Variants in INPP5D observed in about 807,000 individuals in gnomAD.
INPP5D encodes the protein inositol polyphosphate-5-phosphatase D.
INPP5D carries 33 observed loss-of-function variants against 122.9 expected under a neutral mutation model. That is an observed-to-expected ratio of 0.27 (90% CI 0.20 to 0.36). INPP5D has a LOEUF of 0.36. Among genes scored for constraint, INPP5D ranks in the 10% least tolerant of loss-of-function variants. The probability of loss-of-function intolerance (pLI) is 1.00; values close to 1 mark genes in which losing one functional copy is unlikely to be tolerated. For synonymous variants in INPP5D, 584 were observed against 576.2 expected (o/e 1.01, Z -0.19); for missense variants, 1,053 against 1,412.7 (o/e 0.75, Z 4.08).
At chr2:233,130,478 CAT>C (rs1336221132) in intron 4 of INPP5D, 28 bp from the exon 5 acceptor site, 2 of 1,610,132 alleles carry the variant, frequency 1.2e-6, no homozygotes, top group East Asian at 4.5e-5. Context: ...AACAGGCAAG[CAT>C]AGTTTGTTTC....
chr2:233,175,846 G>C (rs1415313116), intron 17 of INPP5D, among the ~76,000 whole-genome samples: 1 of 151,674 alleles, frequency 6.6e-6, no homozygotes, highest in Admixed American at 6.6e-5. Context: ...CCATGCCCGG[G>C]TAATTTTGTA....
chr2:233,064,803 CAG>C (rs1204516132), intron 1 of INPP5D, among the ~76,000 whole-genome samples: 2 of 152,200 alleles, frequency 1.3e-5, no homozygotes, highest in East Asian at 3.9e-4. Flanking sequence ...CTCCTAATCT[CAG>C]AGAGTCCAAC....
At chr2:233,130,882 A>G in intron 5 of INPP5D, 1 of 668,536 alleles carries the variant, frequency 1.5e-6, no homozygotes, top group Non-Finnish European at 2.7e-6. Context: ...AGTTAATTGG[A>G]GGCCAGTTGC....
intron 9 of INPP5D, among the ~76,000 whole-genome samples, chr2:233,149,135 G>A (rs143850273): frequency 0.52 from 71,627 of 136,462 alleles, 18,986 homozygotes; most frequent in East Asian, 0.68. Flanking sequence ...ACAAAGTCTC[G>A]CTCTATCACC....
intron 4 of INPP5D, among the ~76,000 whole-genome samples, chr2:233,127,337 G>A (rs1282760515): frequency 5.3e-5 from 8 of 152,220 alleles, no homozygotes; most frequent in South Asian, 2.1e-4. Flanking sequence ...CAAGGAAAGC[G>A]GCGACACAGA....
intron 9 of INPP5D, among the ~76,000 whole-genome samples, chr2:233,150,503 A>C (rs1041660541): frequency 1.5e-5 from 2 of 132,910 alleles, no homozygotes; most frequent in Non-Finnish European, 3.6e-5. Context: ...TACATCTGTT[A>C]AGGAGAGAGG....
chr2:233,197,377 C>T lies in INPP5D; in HGVS notation c.2694-718C>T, dbSNP rs1037011163. ...ATGCACATGGCTGTCTCTATGCTGA[C>T]GCTGCACACACAAATGTGTGAGCTG... On this transcript the variant is annotated intron_variant, in intron 24 of 26. Transcript: ENST00000445964. The surrounding 1 kb of genome is among the most constrained non-coding windows in gnomAD (Gnocchi z 4.4). 6.6e-6 allele frequency among the ~76,000 whole-genome samples: 1 copy of T among 152,188 alleles called. No individual in the cohort carries two copies. The highest frequency in any genetic ancestry group is 2.4e-5 in the African/African-American group (1 of 41,446).
intron 22 of INPP5D, among the ~76,000 whole-genome samples, chr2:233,190,336 T>A (rs1040125546): frequency 6.6e-6 from 1 of 152,220 alleles, no homozygotes; most frequent in African/African-American, 2.4e-5. Context: ...CTGCCTGCCC[T>A]TCTCTGCTTC....
At chr2:233,093,087 T>G (rs1159265297) in intron 2 of INPP5D, among the ~76,000 whole-genome samples, 8 of 152,238 alleles carry the variant, frequency 5.3e-5, no homozygotes. Context: ...GAGGGCTTTG[T>G]GAAGTCAGGG....
At chr2:233,195,298 C>G in intron 23 of INPP5D, 101 bp from the exon 24 acceptor site, 1 of 1,558,974 alleles carries the variant, frequency 6.4e-7, no homozygotes, top group South Asian at 1.1e-5. Context: ...TCACTATTCA[C>G]TGTGCAGCTT....
chr2:233,166,496 C>T (rs765319257), intron 13 of INPP5D, among the ~76,000 whole-genome samples: 74 of 152,316 alleles, frequency 4.9e-4, no homozygotes, highest in Non-Finnish European at 8.5e-4. Flanking sequence ...GGCAGTGCGA[C>T]TGGCATCTGA....
At chr2:233,200,617 G>T (rs1317892921) in intron 25 of INPP5D, among the ~76,000 whole-genome samples, 2 of 152,302 alleles carry the variant, frequency 1.3e-5, no homozygotes, top group East Asian at 3.9e-4. Context: ...CCTCTGGATG[G>T]AGAAGCTGTT....
chr2:233,088,955 G>A (rs1691921804), intron 2 of INPP5D, among the ~76,000 whole-genome samples: 1 of 152,194 alleles, frequency 6.6e-6, no homozygotes. Context: ...ACCAAGTAGG[G>A]ACCCTAGACC....
intron 18 of INPP5D, among the ~76,000 whole-genome samples, chr2:233,178,019 A>ATG (rs1215889681): frequency 1.3e-5 from 2 of 152,280 alleles, no homozygotes; most frequent in Non-Finnish European, 2.9e-5. Context: ...GTGTGTACAC[A>ATG]TATATACACA....
chr2:233,126,088 C>T (rs1045127511), intron 4 of INPP5D, among the ~76,000 whole-genome samples, 169 bp downstream of exon 4: 5 of 152,204 alleles, frequency 3.3e-5, no homozygotes, highest in African/African-American at 1.2e-4. Flanking sequence ...GCCTTTGCAC[C>T]ATTGGCTTCA....
intron 18 of INPP5D, among the ~76,000 whole-genome samples, chr2:233,178,594 T>C (rs1574790061): frequency 6.6e-6 from 1 of 152,118 alleles, no homozygotes; most frequent in Admixed American, 6.5e-5. Context: ...GTGACTCTCC[T>C]GCCTCAGACT....
chr2:233,151,229 T>G (rs1693915557), intron 9 of INPP5D, among the ~76,000 whole-genome samples: 1 of 152,092 alleles, frequency 6.6e-6, no homozygotes. Flanking sequence ...TCTTAGCTAC[T>G]TGGGAGGCTG....
At position 233,197,671 on chromosome 2, in the gene INPP5D, C is replaced by T. The variant is rs933538532; in HGVS notation, c.2694-424C>T. Reference sequence around the variant, plus strand: ...TATCTTCTTATCTCAGATGAAAGACCACCTCCTCAGATGGGGCCTCCTGGG... The same window carrying T: ...TATCTTCTTATCTCAGATGAAAGACTACCTCCTCAGATGGGGCCTCCTGGG... On this transcript the variant is annotated intron_variant, in intron 24 of 26. Coordinates refer to ENST00000445964, the MANE Select transcript of INPP5D (RefSeq NM_001017915.3). The surrounding 1 kb of genome is among the most constrained non-coding windows in gnomAD (Gnocchi z 4.4). 6.6e-6 allele frequency among the ~76,000 whole-genome samples: 1 copy of T among 152,152 alleles called. No individual in the cohort carries two copies. Among genetic ancestry groups the T allele is most frequent in the African/African-American group, 2.4e-5 (1 of 41,424 alleles).
rs150627512 is a variant in INPP5D, at chr2:233,204,360, C to T, written c.3210C>T (p.Arg1070=). The T allele has an allele frequency of 7.1e-4, 1,136 of 1,610,074 alleles. 32 individuals carry two copies. The East Asian group carries it at 0.025, about 35-fold the overall frequency. ...TCACCAAAGCCCAGGAGGCTGATCG[C>T]GGCGAGGGGCCCGGCAAGCAGGTGC... The part of the protein sequence containing the change: ...IVLTKAQEAD[R]GEGPGKQVPA... The change falls in exon 26 of 27, where the codon CGC becomes CGT. Residue 1070 remains arginine, a synonymous_variant. Transcript: ENST00000445964.
Sources: allele counts gnomAD v4.1 joint callset (sites outside exome capture counted in the v4.1 genomes callset), GRCh38; gene constraint gnomAD v4.1.1; non-coding constraint Gnocchi (gnomAD v3.1); transcripts MANE v1.5; gene names NCBI Gene and HGNC (gene_info 2026-07-23, HGNC 2026-07-21).